Variants in AGAP1 observed in about 807,000 individuals in gnomAD.
The protein encoded by AGAP1 is ArfGAP with GTPase domain, ankyrin repeat and PH domain 1, also known as arf-GAP with GTPase, ANK repeat and PH domain-containing protein 1.
AGAP1 carries 29 observed loss-of-function variants against 105.3 expected under a neutral mutation model. The ratio of observed to expected loss-of-function variants is 0.28; its 90% CI spans 0.21 to 0.38. The LOEUF (loss-of-function observed/expected upper bound fraction) is 0.38, where lower values mean the gene tolerates loss of function less well. AGAP1 is among the 10% of genes least tolerant of loss of function. The probability of loss-of-function intolerance (pLI) is 1.00; values close to 1 mark genes in which losing one functional copy is unlikely to be tolerated. For synonymous variants in AGAP1, 509 were observed against 485.9 expected (o/e 1.05, Z -0.63); for missense variants, 998 against 1,165.1 (o/e 0.86, Z 2.09).
At chr2:235,670,836 G>C in intron 1 of AGAP1, 1 of 1,415,202 alleles carries the variant, frequency 7.1e-7, no homozygotes, top group Non-Finnish European at 9.2e-7. Flanking sequence ...GACCTGCAGC[G>C]GCTGGAGCGC....
chr2:236,105,153 C>CT lies in AGAP1; in HGVS notation c.2115-15039_2115-15038insT, dbSNP rs2059452434. Among the ~76,000 whole-genome samples the CT allele has an allele frequency of 6.6e-6, 1 of 152,116 alleles. No homozygotes were observed. The highest frequency in any genetic ancestry group is 1.5e-5 in the Non-Finnish European group (1 of 68,028). ...GATCAGGGCTGACTTTCCAAGCCAG[C>CT]AAGACATGCATTCAGGCTACCTACA... On this transcript the variant is annotated intron_variant, in intron 16 of 17. Transcript: ENST00000304032. The surrounding 1 kb of genome is among the most constrained non-coding windows in gnomAD (Gnocchi z 4.2).
At chr2:235,515,856 CT>C (rs1942356505) in intron 1 of AGAP1, among the ~76,000 whole-genome samples, 1 of 152,116 alleles carries the variant, frequency 6.6e-6, no homozygotes, top group East Asian at 1.9e-4. Flanking sequence ...ATGGTGTTGC[CT>C]TTTGCATCTT....
rs527723375 is a variant in AGAP1 at position 235,643,956 on chromosome 2, CAG to C, written c.164-65220_164-65219del. Among the ~76,000 whole-genome samples the C allele has an allele frequency of 1.7e-3, 264 of 152,228 alleles. 1 individual carries two copies. The highest frequency in any genetic ancestry group is 5.9e-3 in the African/African-American group (246 of 41,534). ...TTATCTACTCAAAGGAAGCAGATGA[CAG>C]AGCCCCCGTGATGTGTGCTGCCTTT... On this transcript the variant is annotated intron_variant, in intron 1 of 17. Coordinates refer to ENST00000304032, the MANE Select transcript of AGAP1 (RefSeq NM_001037131.3).
intron 13 of AGAP1, among the ~76,000 whole-genome samples, chr2:235,998,096 A>G (rs1438795000): frequency 3.3e-5 from 5 of 152,202 alleles, no homozygotes; most frequent in African/African-American, 1.2e-4. Context: ...CCAAGCAAGG[A>G]TATTTAAAAC....
intron 1 of AGAP1, among the ~76,000 whole-genome samples, chr2:235,604,459 G>A (rs1945847033): frequency 6.9e-6 from 1 of 145,482 alleles, no homozygotes; most frequent in Non-Finnish European, 1.5e-5. Flanking sequence ...TTCAGCCTGG[G>A]CAACAGAGCG....
intron 13 of AGAP1, among the ~76,000 whole-genome samples, chr2:236,031,470 C>G (rs1449136728): frequency 1.2e-4 from 19 of 152,160 alleles, no homozygotes. Context: ...ACACAGGATT[C>G]TCTGCAGCTG....
At chr2:235,773,694 A>G (rs1224243698) in intron 6 of AGAP1, among the ~76,000 whole-genome samples, 2 of 152,170 alleles carry the variant, frequency 1.3e-5, no homozygotes, top group Non-Finnish European at 2.9e-5. Flanking sequence ...CATTAGAAAC[A>G]GTGGTTGGAC....
chr2:235,744,779 A>G lies in AGAP1; in HGVS notation c.478A>G (p.Ser160Gly). The G allele has an allele frequency of 1.9e-6, 3 of 1,613,936 alleles. No homozygotes were observed. The highest frequency in any genetic ancestry group is 2.5e-6 in the Non-Finnish European group (3 of 1,180,004). Residue 160 changes from serine (S) to glycine (G), a missense_variant, in exon 5 of 18, where the codon AGT becomes GGT. This residue lies in a region of AGAP1 where 735 missense variants were observed against 833.4 expected (regional missense o/e 0.88). Transcript: ENST00000304032. This position sits in a 1 kb window ranked among gnomAD's most constrained non-coding sequence, Gnocchi z 5.2. ...TTTCCAGACCGTTTACCACTACTAC[A>G]GTCGAATGGCCAACTATCGGAACAC... ...ISFQTVYHYYSRMANYRNTSE... is the reference protein window; with the variant it reads ...ISFQTVYHYYGRMANYRNTSE...
Position 235,716,785 on chromosome 2 carries a change from C to T in AGAP1, c.223-772C>T, listed in dbSNP as rs541656312. Among the ~76,000 whole-genome samples, 3 of 152,138 alleles carry T rather than the reference C, an allele frequency of 2.0e-5. No homozygotes were observed. Among genetic ancestry groups the T allele is most frequent in the Non-Finnish European group, 4.4e-5 (3 of 67,978 alleles). ...TTGGAGGCTGGGAGGCCAGGTGTGT[C>T]TCCTGTGTCAACAGGGAGGCTTCCT... On this transcript the variant is annotated intron_variant, in intron 2 of 17. Coordinates refer to ENST00000304032, the MANE Select transcript of AGAP1 (RefSeq NM_001037131.3). This position sits in a 1 kb window ranked among gnomAD's most constrained non-coding sequence, Gnocchi z 4.0.
Position 235,709,173 on chromosome 2 carries a change from T to A in AGAP1, c.164-6T>A. On this transcript the variant is annotated splice_polypyrimidine_tract_variant and splice_region_variant and intron_variant, in intron 1 of 17. Coordinates refer to ENST00000304032, the MANE Select transcript of AGAP1 (RefSeq NM_001037131.3). Reference sequence around the variant, plus strand: ...GTGTCTGACTTTGTGTCCTCCTCTTTTTCAGATGCCTTCGTGAACAGCCAG... The same window carrying A: ...GTGTCTGACTTTGTGTCCTCCTCTTATTCAGATGCCTTCGTGAACAGCCAG... 1 of 1,614,098 alleles carries A rather than the reference T, an allele frequency of 6.2e-7. No homozygotes were observed. Among genetic ancestry groups the A allele is most frequent in the Admixed American group, 1.7e-5 (1 of 60,018 alleles).
rs190700226 is a variant in AGAP1, at chr2:235,962,761, T to C, written c.1484-5701T>C. ...TGAAAACTAGAAGCTCTGGTTGAAA[T>C]TCCATGGGGTTTCTCGCTATTGATA... On this transcript the variant is annotated intron_variant, in intron 12 of 17. Transcript: ENST00000304032. This position sits in a 1 kb window ranked among gnomAD's most constrained non-coding sequence, Gnocchi z 5.3. 1.3e-4 allele frequency among the ~76,000 whole-genome samples: 20 copies of C among 152,252 alleles called. No homozygotes were observed. The East Asian group carries it at 3.5e-3, about 27-fold the overall frequency.
intron 5 of AGAP1, among the ~76,000 whole-genome samples, chr2:235,749,201 C>T (rs945127649): frequency 7.0e-6 from 1 of 142,632 alleles, no homozygotes; most frequent in Non-Finnish European, 1.5e-5. Context: ...CAGTGAGACT[C>T]CATCTCATTA....
rs1178484024 is a variant in AGAP1, at chr2:236,131,753, T to G, written c.*7631T>G. Reference sequence around the variant, plus strand: ...AAGTAACAGAGAGAGGTGGCTATGGTGTAGAGACCTCTTTCTAATAAAGAA... The same window carrying G: ...AAGTAACAGAGAGAGGTGGCTATGGGGTAGAGACCTCTTTCTAATAAAGAA... On this transcript the variant is annotated 3_prime_UTR_variant, in exon 18 of 18. Transcript: ENST00000304032. The surrounding 1 kb of genome is among the most constrained non-coding windows in gnomAD (Gnocchi z 5.9). 6.6e-6 allele frequency: 1 copy of G among 151,968 alleles called. No homozygotes were observed. Among genetic ancestry groups the G allele is most frequent in the Non-Finnish European group, 1.5e-5 (1 of 68,006 alleles). 9.4% of individuals were successfully genotyped at this position (151,968 alleles called of 1,614,324 possible). A position where few individuals can be genotyped will look rare whatever the true frequency, so the allele number is the denominator to read the frequency against.
chr2:235,590,539 C>T (rs1389259744), intron 1 of AGAP1, among the ~76,000 whole-genome samples: 1 of 151,952 alleles, frequency 6.6e-6, no homozygotes, highest in Non-Finnish European at 1.5e-5. Flanking sequence ...CTGGGGGTCA[C>T]CAGCAATGCC....
Position 235,599,789 on chromosome 2 carries a change from GCCC to G in AGAP1, c.163+104942_163+104944del, listed in dbSNP as rs1165563567. Among the ~76,000 whole-genome samples, 1 of 152,190 alleles carries G rather than the reference GCCC, an allele frequency of 6.6e-6. No individual in the cohort carries two copies. The highest frequency in any genetic ancestry group is 1.5e-5 in the Non-Finnish European group (1 of 68,032). ...CCCTCCAGGTTCAGAGAGAGCGCCT[GCCC>G]CAGGGCTGGGAAGATGAGCAGGGAT... On this transcript the variant is annotated intron_variant, in intron 1 of 17. Coordinates refer to ENST00000304032, the MANE Select transcript of AGAP1 (RefSeq NM_001037131.3). The surrounding 1 kb of genome is among the most constrained non-coding windows in gnomAD (Gnocchi z 5.3).
chr2:235,739,747 C>T lies in AGAP1; in HGVS notation c.311-1216C>T, dbSNP rs1019624716. Among the ~76,000 whole-genome samples the T allele has an allele frequency of 5.9e-5, 9 of 152,224 alleles. No individual in the cohort carries two copies. The highest frequency in any genetic ancestry group is 3.3e-4 in the Admixed American group (5 of 15,280). On this transcript the variant is annotated intron_variant, in intron 3 of 17. Transcript: ENST00000304032. This position sits in a 1 kb window ranked among gnomAD's most constrained non-coding sequence, Gnocchi z 5.3. ...TCTGTGGCCTCAGAGGGTAGCTGCC[C>T]GTCTGGAGGGCCTCGGACACTTTCA...
chr2:235,656,740 G>A lies in AGAP1; in HGVS notation c.164-52439G>A, dbSNP rs201809456. Among the ~76,000 whole-genome samples the A allele has an allele frequency of 2.4e-4, 37 of 152,272 alleles. No individual in the cohort carries two copies. The East Asian group carries it at 7.1e-3, about 29-fold the overall frequency. On this transcript the variant is annotated intron_variant, in intron 1 of 17. Transcript: ENST00000304032. ...GCTCACCATTGCTCCATCTGTAAGG[G>A]CGCACCCTTCTGTAGAAGTAACTTG...
At position 235,865,248 on chromosome 2, in the gene AGAP1, G is replaced by C. The variant is rs1234505470; in HGVS notation, c.1051-18097G>C. On this transcript the variant is annotated intron_variant, in intron 9 of 17. Transcript: ENST00000304032. This position sits in a 1 kb window ranked among gnomAD's most constrained non-coding sequence, Gnocchi z 6.2. Reference sequence around the variant, plus strand: ...GGTGATTAGCTCCTGGCCGAATCCAGTCCCGGCCGGCGCTTTGAAGCCTGT... The same window carrying C: ...GGTGATTAGCTCCTGGCCGAATCCACTCCCGGCCGGCGCTTTGAAGCCTGT... Among the ~76,000 whole-genome samples, 1 of 152,158 alleles carries C rather than the reference G, an allele frequency of 6.6e-6. No individual in the cohort carries two copies. Among genetic ancestry groups the C allele is most frequent in the East Asian group, 1.9e-4 (1 of 5,190 alleles).
At chr2:235,898,283 C>T (rs1287441556) in intron 10 of AGAP1, among the ~76,000 whole-genome samples, 4 of 152,074 alleles carry the variant, frequency 2.6e-5, no homozygotes, top group Non-Finnish European at 5.9e-5. Flanking sequence ...GGAACGGGGC[C>T]TTTTGTTTTT....
Sources: allele counts gnomAD v4.1 joint callset (sites outside exome capture counted in the v4.1 genomes callset), GRCh38; gene constraint gnomAD v4.1.1; regional missense constraint gnomAD v4.1.1; non-coding constraint Gnocchi (gnomAD v3.1); transcripts MANE v1.5; gene names NCBI Gene and HGNC (gene_info 2026-07-23, HGNC 2026-07-21).